Variants in CRLF1 observed in about 807,000 individuals in gnomAD.
CRLF1 encodes cytokine receptor like factor 1, also known as cytokine receptor-like factor 1.
Under a neutral mutation model 48.9 loss-of-function variants are expected in CRLF1, and 36 were observed. The observed-to-expected ratio is 0.74, with a 90% CI of 0.56 to 0.97. The LOEUF is 0.97. Ranked by LOEUF, CRLF1 falls within the 50% of genes least tolerant of loss-of-function variation. The pLI is 0.00. For synonymous variants in CRLF1, 256 were observed against 253.4 expected, an observed-to-expected ratio of 1.01 and a Z score of -0.10; for missense variants, 534 against 575.1, an observed-to-expected ratio of 0.93 and a Z score of 0.73.
At chr19:18,605,314 A>C (rs1349804705) in intron 1 of CRLF1, among the ~76,000 whole-genome samples, 1 of 152,102 alleles carries the variant, frequency 6.6e-6, no homozygotes, top group Non-Finnish European at 1.5e-5. Flanking sequence ...GCTTTCAGCA[A>C]GTGCCCCTAG....
At chr19:18,593,892 T>C in intron 8 of CRLF1, 173 bp downstream of exon 8, 1 of 980,962 alleles carries the variant, frequency 1.0e-6, no homozygotes, top group Non-Finnish European at 1.2e-6. Flanking sequence ...ACAATGCCAG[T>C]TATACAGTAA....
intron 8 of CRLF1, 35 bp from the exon 9 acceptor site, chr19:18,593,614 G>A (rs1268011227): frequency 1.0e-5 from 16 of 1,589,984 alleles, no homozygotes; most frequent in Non-Finnish European, 1.4e-5. Context: ...TAAGCAGGGA[G>A]TCCAGGAGAG....
chr19:18,598,440 A>G lies in CRLF1; in HGVS notation c.689T>C (p.Leu230Pro). The G allele has an allele frequency of 6.2e-7, 1 of 1,612,846 alleles. No homozygotes were observed. Among genetic ancestry groups the G allele is most frequent in the Non-Finnish European group, 8.5e-7 (1 of 1,179,166 alleles). The change falls in exon 4 of 9, where the codon CTG (leucine) becomes CCG (proline). Residue 230 changes from leucine to proline, a missense_variant. Transcript: ENST00000392386. ...AGACACTGGGGGCTCACCCACATCC[A>G]GGATATCCAGCGTGAGTACATCGGA... ...ARSDVLTLDI[L>P]DVVTTDPPPD... is the part of the protein sequence containing the mutation.
At position 18,595,005 on chromosome 19, in the gene CRLF1, G is replaced by T. The variant is rs1976112580; in HGVS notation, c.1025-571C>A. Reference sequence around the variant, plus strand: ...GATGAAGGGAGACCGAGTGCAAGATGACCCCATGGGACTGTCCCCAGCATG... The same window carrying T: ...GATGAAGGGAGACCGAGTGCAAGATTACCCCATGGGACTGTCCCCAGCATG... On this transcript the variant is annotated intron_variant, in intron 6 of 8. Transcript: ENST00000392386. Among the ~76,000 whole-genome samples, 4 of 152,142 alleles carry T rather than the reference G, an allele frequency of 2.6e-5. No individual in the cohort carries two copies. The South Asian group carries it at 8.3e-4, about 32-fold the overall frequency.
intron 6 of CRLF1, among the ~76,000 whole-genome samples, chr19:18,594,831 C>T (rs1197264015): frequency 1.3e-5 from 2 of 151,994 alleles, no homozygotes; most frequent in African/African-American, 4.8e-5. Flanking sequence ...GATGAGAGAG[C>T]CGGGGCCAGG....
rs529563490 is a variant in CRLF1, at chr19:18,596,660, T to G, written c.986A>C (p.Glu329Ala). 97 of 1,613,796 alleles carry G rather than the reference T, an allele frequency of 6.0e-5. No individual in the cohort carries two copies. Among genetic ancestry groups the G allele is most frequent in the Non-Finnish European group, 7.9e-5 (93 of 1,179,992 alleles). ...YGSKKAGIWS[E>A]WSHPTAASTP... ...GGAGGCGGCTGTGGGGTGGCTCCACTCACTCCAGATCCCGGCTTTCTTGGA... is the reference window on the plus strand; with the variant it reads ...GGAGGCGGCTGTGGGGTGGCTCCACGCACTCCAGATCCCGGCTTTCTTGGA... Residue 329 changes from glutamate to alanine, a missense_variant, in exon 6 of 9, where the codon GAG (glutamate) becomes GCG (alanine). Glu to Ala is a moderately radical substitution (Grantham distance 107). Around this residue, in one of 2 missense-constraint regions of CRLF1, gnomAD observed 528 missense variants for 555.7 expected, o/e 0.95. Transcript: ENST00000392386.
intron 1 of CRLF1, among the ~76,000 whole-genome samples, chr19:18,604,366 G>T (rs78507620): frequency 1.4e-4 from 22 of 152,214 alleles, no homozygotes; most frequent in Non-Finnish European, 1.5e-4. Context: ...AAGGTCAGAA[G>T]GACACTTTCT....
chr19:18,603,013 A>G (rs1050986820), intron 1 of CRLF1, among the ~76,000 whole-genome samples: 1 of 152,228 alleles, frequency 6.6e-6, no homozygotes, highest in East Asian at 1.9e-4. Flanking sequence ...ACCCGGCCTC[A>G]GTGTTTTACT....
chr19:18,600,464 G>A (rs1405825645), intron 1 of CRLF1, among the ~76,000 whole-genome samples: 1 of 152,138 alleles, frequency 6.6e-6, no homozygotes, highest in Non-Finnish European at 1.5e-5. Context: ...CGCCTCCCGG[G>A]ATCATGCCAT....
rs1976146314 is a variant in CRLF1, at chr19:18,597,007, C to CCGACGG, written c.739_740insCCGTCG (p.Val246_Gly247insAlaVal). The CCGACGG allele has an allele frequency of 6.2e-7, 1 of 1,613,372 alleles. No individual in the cohort carries two copies. Among genetic ancestry groups the CCGACGG allele is most frequent in the African/African-American group, 1.3e-5 (1 of 74,894 alleles). On this transcript the variant is annotated inframe_insertion, in exon 5 of 9. Transcript: ENST00000392386. ...CACGCTCAGCTGGTCCTCCAGGCCC[C>CCGACGG]CGACGCGGCTCACGTGCACGTCGGG...
chr19:18,598,725 A>G, intron 3 of CRLF1, 47 bp downstream of exon 3: 1 of 1,614,036 alleles, frequency 6.2e-7, no homozygotes, highest in Non-Finnish European at 8.5e-7. Flanking sequence ...GGTCAAGGTC[A>G]CGCAGCCAGC....
intron 8 of CRLF1, chr19:18,593,816 A>T (rs1976088994): frequency 1.0e-6 from 1 of 985,320 alleles, no homozygotes; most frequent in South Asian, 4.7e-5. Flanking sequence ...GAGTATGTTC[A>T]TTCATTTCGG....
chr19:18,593,750 A>G, intron 8 of CRLF1, 171 bp from the exon 9 acceptor site: 1 of 984,478 alleles, frequency 1.0e-6, no homozygotes. Flanking sequence ...AGCTGCAGGT[A>G]AAGCACTTGG....
chr19:18,599,960 C>T, intron 1 of CRLF1, 114 bp from the exon 2 acceptor site: 1 of 1,156,704 alleles, frequency 8.6e-7, no homozygotes, highest in Non-Finnish European at 1.2e-6. Flanking sequence ...TAATGATTGT[C>T]CCCCATTTTA....
chr19:18,593,701 A>G, intron 8 of CRLF1, 122 bp from the exon 9 acceptor site: 1 of 1,539,078 alleles, frequency 6.5e-7, no homozygotes, highest in East Asian at 2.5e-5. Context: ...GACTTTGGGC[A>G]GGGTCCTGCC....
chr19:18,603,478 G>C (rs960954670), intron 1 of CRLF1, among the ~76,000 whole-genome samples: 21 of 152,250 alleles, frequency 1.4e-4, no homozygotes, highest in African/African-American at 4.8e-4. Flanking sequence ...ACCCTGACCT[G>C]CAGGGAGGAG....
chr19:18,598,631 T>G, intron 3 of CRLF1, 30 bp from the exon 4 acceptor site: 1 of 1,613,836 alleles, frequency 6.2e-7, no homozygotes, highest in Non-Finnish European at 8.5e-7. Context: ...ACAGGACGCA[T>G]GAGGGTTCCT....
At chr19:18,603,003 A>G (rs1976239435) in intron 1 of CRLF1, among the ~76,000 whole-genome samples, 1 of 152,120 alleles carries the variant, frequency 6.6e-6, no homozygotes, top group African/African-American at 2.4e-5. Context: ...GAGCCACTGC[A>G]CCCGGCCTCA....
chr19:18,599,495 T>C, intron 2 of CRLF1, 70 bp downstream of exon 2: 1 of 1,602,456 alleles, frequency 6.2e-7, no homozygotes, highest in Non-Finnish European at 8.5e-7. Flanking sequence ...GGCCCACAAT[T>C]CATGCCTCAC....
Sources: gnomAD v4.1 joint callset for allele counts (sites outside exome capture counted in the v4.1 genomes callset) on GRCh38, gnomAD v4.1.1 for gene constraint, gnomAD v4.1.1 regional missense constraint, MANE v1.5 for transcripts, NCBI Gene and HGNC (gene_info 2026-07-23, HGNC 2026-07-21) for gene names.